SPCS2: variants seen among roughly 807,000 people sequenced by gnomAD.
The protein encoded by SPCS2 is signal peptidase complex subunit 2.
Under a neutral mutation model 22.3 loss-of-function variants are expected in SPCS2, and 3 were observed. That is an observed-to-expected ratio of 0.13 (90% CI 0.06 to 0.35). SPCS2 has a LOEUF of 0.35. SPCS2 is among the 10% of genes least tolerant of loss of function. The pLI is 1.00. For missense variants in SPCS2, 169 were observed against 280.9 expected, an observed-to-expected ratio of 0.60 and a Z score of 2.85; for synonymous variants, 67 against 97.2, an observed-to-expected ratio of 0.69 and a Z score of 1.83.
chr11:74,978,079 G>A lies in SPCS2; in HGVS notation c.*1036G>A, dbSNP rs1948625944. Reference sequence around the variant, plus strand: ...GATAGAACTGGGATTCAAACCTGGGGAGTCCGGCTTCAGAGTTTGTGGTCC... The same window carrying A: ...GATAGAACTGGGATTCAAACCTGGGAAGTCCGGCTTCAGAGTTTGTGGTCC... On this transcript the variant is annotated 3_prime_UTR_variant, in exon 5 of 5. Transcript: ENST00000263672. 6.6e-6 allele frequency: 1 copy of A among 152,162 alleles called. No homozygotes were observed. The highest frequency in any genetic ancestry group is 2.1e-4 in the South Asian group (1 of 4,830). 9.4% of individuals were successfully genotyped at this position (152,162 alleles called of 1,614,324 possible). A position where few individuals can be genotyped will look rare whatever the true frequency, so the allele number is the denominator to read the frequency against.
At chr11:74,965,223 A>C in intron 2 of SPCS2, 106 bp downstream of exon 2, 2 of 747,456 alleles carry the variant, frequency 2.7e-6, no homozygotes, top group South Asian at 4.1e-5. Context: ...TTTCAGTGTT[A>C]GAAATTAAGT....
intron 1 of SPCS2, among the ~76,000 whole-genome samples, chr11:74,955,519 T>C (rs1392368133): frequency 1.3e-5 from 2 of 151,996 alleles, no homozygotes; most frequent in South Asian, 4.1e-4. Context: ...GAAAGTAGAT[T>C]GTTGGCTGCC....
At position 74,965,794 on chromosome 11, in the gene SPCS2, A is replaced by G; in HGVS notation, c.230A>G (p.Asn77Ser). The G allele has an allele frequency of 6.2e-7, 1 of 1,613,024 alleles. No individual in the cohort carries two copies. The highest frequency in any genetic ancestry group is 2.2e-5 in the East Asian group (1 of 44,846). The change falls in exon 3 of 5, where the codon AAT becomes AGT. Residue 77 changes from asparagine to serine, a missense_variant. Transcript: ENST00000263672. ...VLLEKYKYVE[N>S]FGLIDGRLTI... ...CTGGAAAAATACAAATATGTGGAGA[A>G]TTTTGGTCTAATTGATGGTCGCCTC...
chr11:74,956,307 T>C (rs377169794), intron 1 of SPCS2, among the ~76,000 whole-genome samples: 3 of 152,182 alleles, frequency 2.0e-5, no homozygotes, highest in East Asian at 1.9e-4. Flanking sequence ...CCCAGACTTT[T>C]CTGTCCAACC....
chr11:74,971,901 A>G (rs554183515), intron 4 of SPCS2, among the ~76,000 whole-genome samples: 2 of 152,318 alleles, frequency 1.3e-5, no homozygotes, highest in Admixed American at 1.3e-4. Context: ...GGAATTTGCA[A>G]TATGCTAAGT....
rs906430174 is a variant in SPCS2, at chr11:74,978,488, A to T, written c.*1445A>T. The T allele has an allele frequency of 7.2e-5, 11 of 152,228 alleles. No homozygotes were observed. Among genetic ancestry groups the T allele is most frequent in the Admixed American group, 5.9e-4 (9 of 15,278 alleles). 9.4% of individuals were successfully genotyped at this position (152,228 alleles called of 1,614,324 possible). A position where few individuals can be genotyped will look rare whatever the true frequency, so the allele number is the denominator to read the frequency against. On this transcript the variant is annotated 3_prime_UTR_variant, in exon 5 of 5. Coordinates refer to ENST00000263672, the MANE Select transcript of SPCS2 (RefSeq NM_014752.3). ...TGTATTTTTACAATGGAGGAGTTAC[A>T]GTCATCTTGGTATTTGTGGGAGATT... is the stretch of plus-strand genomic sequence containing the variant.
chr11:74,968,254 T>C (rs1416100834), intron 3 of SPCS2: 1 of 152,224 alleles, frequency 6.6e-6, no homozygotes, highest in Non-Finnish European at 1.5e-5. Context: ...AACCTCTGTA[T>C]CGTTCTAATT....
chr11:74,975,036 A>G (rs1948607329), intron 4 of SPCS2, among the ~76,000 whole-genome samples: 2 of 151,322 alleles, frequency 1.3e-5, no homozygotes, highest in Admixed American at 1.3e-4. Context: ...TTTGCTCAAA[A>G]CTCTCTCAGA....
intron 4 of SPCS2, 46 bp downstream of exon 4, chr11:74,969,745 C>A: frequency 1.2e-6 from 2 of 1,609,814 alleles, no homozygotes; most frequent in South Asian, 1.1e-5. Context: ...TTGGATTTGC[C>A]CTGGCATGTT....
intron 1 of SPCS2, among the ~76,000 whole-genome samples, chr11:74,962,721 G>A (rs1236893083): frequency 6.6e-6 from 1 of 152,146 alleles, no homozygotes; most frequent in Non-Finnish European, 1.5e-5. Flanking sequence ...CCATACTGTA[G>A]TAGAGACATT....
intron 3 of SPCS2, among the ~76,000 whole-genome samples, chr11:74,968,509 GTTTT>G (rs1244678718): frequency 4.4e-5 from 6 of 136,240 alleles, no homozygotes; most frequent in African/African-American, 1.7e-4. Flanking sequence ...GTTTTTGTGG[GTTTT>G]TTTTGTTTTT....
chr11:74,974,849 C>T (rs1251584036), intron 4 of SPCS2, among the ~76,000 whole-genome samples: 1 of 152,044 alleles, frequency 6.6e-6, no homozygotes, highest in African/African-American at 2.4e-5. Flanking sequence ...CTCCTGACCT[C>T]GTGATCTGCC....
chr11:74,951,716 A>T (rs1948446590), intron 1 of SPCS2, among the ~76,000 whole-genome samples: 2 of 150,036 alleles, frequency 1.3e-5, no homozygotes, highest in African/African-American at 4.9e-5. Flanking sequence ...AGGCTGAGGC[A>T]GGAGAATCGC....
chr11:74,962,205 T>C (rs1948518674), intron 1 of SPCS2, among the ~76,000 whole-genome samples: 1 of 152,188 alleles, frequency 6.6e-6, no homozygotes, highest in African/African-American at 2.4e-5. Flanking sequence ...AAAGAACTTT[T>C]TCTAGATTTC....
chr11:74,949,901 A>C (rs561925731), intron 1 of SPCS2, among the ~76,000 whole-genome samples: 1 of 152,290 alleles, frequency 6.6e-6, no homozygotes, highest in Non-Finnish European at 1.5e-5. Context: ...ATATTTGAGT[A>C]TTGACTGTTC....
chr11:74,968,041 A>C (rs1356793909), intron 3 of SPCS2: 1 of 152,218 alleles, frequency 6.6e-6, no homozygotes, highest in Non-Finnish European at 1.5e-5. Flanking sequence ...AAGGATACTA[A>C]GACTTGGGGA....
At chr11:74,959,462 G>A (rs894990665) in intron 1 of SPCS2, among the ~76,000 whole-genome samples, 1 of 152,050 alleles carries the variant, frequency 6.6e-6, no homozygotes, top group Admixed American at 6.5e-5. Flanking sequence ...GCACAATCAC[G>A]GCTCACTGCA....
intron 1 of SPCS2, among the ~76,000 whole-genome samples, chr11:74,962,497 T>G (rs1451136469): frequency 6.6e-6 from 1 of 151,608 alleles, no homozygotes; most frequent in African/African-American, 2.4e-5. Flanking sequence ...CTTTTTATTA[T>G]TACAAAAGGA....
intron 1 of SPCS2, among the ~76,000 whole-genome samples, chr11:74,959,558 A>G (rs1468048157): frequency 6.6e-6 from 1 of 152,086 alleles, no homozygotes; most frequent in Non-Finnish European, 1.5e-5. Context: ...ACACCTGGCT[A>G]ATTTTTTAAA....
Sources: allele counts gnomAD v4.1 joint callset (sites outside exome capture counted in the v4.1 genomes callset), GRCh38; gene constraint gnomAD v4.1.1; transcripts MANE v1.5; gene names NCBI Gene and HGNC (gene_info 2026-07-23, HGNC 2026-07-21).